MTOR: variants seen among roughly 807,000 people sequenced by gnomAD.
The protein encoded by MTOR is serine/threonine-protein kinase mTOR.
A neutral mutation model predicts 319.8 loss-of-function variants in MTOR; 70 were observed. The ratio of observed to expected loss-of-function variants is 0.22; its 90% CI spans 0.18 to 0.27. The LOEUF (loss-of-function observed/expected upper bound fraction) is 0.27, where lower values mean the gene tolerates loss of function less well. Ranked by LOEUF, MTOR falls within the 10% of genes least tolerant of loss-of-function variation. The pLI is 1.00. For missense variants in MTOR, 1,890 were observed against 3,274.4 expected, an observed-to-expected ratio of 0.58 and a Z score of 10.32; for synonymous variants, 1,183 against 1,211.4, an observed-to-expected ratio of 0.98 and a Z score of 0.49.
chr1:11,124,875 G>GTTTAACC (rs1292564737), intron 46 of MTOR, among the ~76,000 whole-genome samples: 1 of 152,216 alleles, frequency 6.6e-6, no homozygotes, highest in African/African-American at 2.4e-5. Context: ...GACCAGGAAC[G>GTTTAACC]GTTAGGCATG....
intron 18 of MTOR, among the ~76,000 whole-genome samples, chr1:11,229,573 C>T (rs536216840): frequency 6.6e-6 from 1 of 152,324 alleles, no homozygotes; most frequent in Admixed American, 6.5e-5. Flanking sequence ...AATGACATCA[C>T]AGGCATGCCT....
At chr1:11,226,189 A>G (rs2100843038) in intron 19 of MTOR, 1 of 152,288 alleles carries the variant, frequency 6.6e-6, no homozygotes, top group East Asian at 1.9e-4. Context: ...TTCAATATAC[A>G]TTCATAATAA....
In MTOR at chr1:11,199,245, G is replaced by T; in HGVS notation, c.4253+13C>A. On this transcript the variant is annotated intron_variant, in intron 28 of 57. Coordinates refer to ENST00000361445, the MANE Select transcript of MTOR (RefSeq NM_004958.4). The surrounding 1 kb of genome is among the most constrained non-coding windows in gnomAD (Gnocchi z 4.5). ...TGCATGAAGGCAGCAATTAAAAAGG[G>T]TTTATGGCCTACCTGATGAGAGATT... 6.2e-7 allele frequency: 1 copy of T among 1,614,180 alleles called. No individual in the cohort carries two copies. The highest frequency in any genetic ancestry group is 8.5e-7 in the Non-Finnish European group (1 of 1,180,020).
chr1:11,157,246 C>T lies in MTOR; in HGVS notation c.4375G>A (p.Ala1459Thr), dbSNP rs1644347846. The T allele has an allele frequency of 1.2e-6, 2 of 1,614,044 alleles. No individual in the cohort carries two copies. Among genetic ancestry groups the T allele is most frequent in the African/African-American group, 1.3e-5 (1 of 74,950 alleles). The change falls in exon 30 of 58, where the codon GCC (alanine) becomes ACC (threonine). Residue 1459 changes from alanine to threonine, a missense_variant. Ala to Thr is a moderately conservative substitution (Grantham distance 58). This residue lies in a region of MTOR where 276 missense variants were observed against 459.4 expected (regional missense o/e 0.60). Coordinates refer to ENST00000361445, the MANE Select transcript of MTOR (RefSeq NM_004958.4). ...WYEKLHEWEDALVAYDKKMDT... is the reference protein window; with the variant it reads ...WYEKLHEWEDTLVAYDKKMDT... ...ATTTTCTTGTCATAGGCCACAAGGG[C>T]ATCCTCCCACTCGTGCAGTTTCTCA...
chr1:11,220,037 AAAAAAAAAG>A (rs1354688140), intron 19 of MTOR, among the ~76,000 whole-genome samples: 11 of 55,554 alleles, frequency 2.0e-4, no homozygotes, highest in Admixed American at 6.4e-4. Flanking sequence ...ATCTCAAAAA[AAAAAAAAAG>A]AAAAGAAAAG....
At chr1:11,227,663 C>A (rs979271279) in intron 19 of MTOR, among the ~76,000 whole-genome samples, 6 of 146,518 alleles carry the variant, frequency 4.1e-5, no homozygotes, top group African/African-American at 7.6e-5. Context: ...CAAGAAACAG[C>A]AAGAGTGAGA....
At chr1:11,166,256 T>C (rs1017740650) in intron 29 of MTOR, among the ~76,000 whole-genome samples, 8 of 152,122 alleles carry the variant, frequency 5.3e-5, no homozygotes, top group Admixed American at 1.3e-4. Flanking sequence ...GGGATCTAAT[T>C]AAACTAAAGA....
At chr1:11,159,845 G>A (rs1482986497) in intron 29 of MTOR, among the ~76,000 whole-genome samples, 1 of 152,070 alleles carries the variant, frequency 6.6e-6, no homozygotes, top group African/African-American at 2.4e-5. Flanking sequence ...CTAACAAAAG[G>A]TTCCTCATCA....
At chr1:11,209,044 T>C (rs988625910) in intron 25 of MTOR, among the ~76,000 whole-genome samples, 9 of 152,148 alleles carry the variant, frequency 5.9e-5, no homozygotes, top group Admixed American at 3.3e-4. Context: ...ATGTAAAAAA[T>C]GAGAATGTAT....
intron 4 of MTOR, 84 bp from the exon 5 acceptor site, chr1:11,256,276 C>T (rs1650391463): frequency 6.6e-7 from 1 of 1,514,986 alleles, no homozygotes; most frequent in East Asian, 2.4e-5. Flanking sequence ...ATCTTAGAGC[C>T]ATACACACCA....
intron 28 of MTOR, chr1:11,193,519 C>G (rs1645634310): frequency 4.1e-6 from 6 of 1,475,988 alleles, no homozygotes; most frequent in Non-Finnish European, 5.5e-6. Context: ...GGGAAGCCTG[C>G]CCTCTTGCTC....
chr1:11,200,446 T>C (rs1196269817), intron 26 of MTOR, among the ~76,000 whole-genome samples: 1 of 152,184 alleles, frequency 6.6e-6, no homozygotes, highest in Non-Finnish European at 1.5e-5. Flanking sequence ...CCACTTTACA[T>C]TACCACAGTA....
chr1:11,243,370 T>C (rs944769656), intron 8 of MTOR, 70 bp from the exon 9 acceptor site: 2 of 1,416,566 alleles, frequency 1.4e-6, no homozygotes, highest in Admixed American at 4.2e-5. Flanking sequence ...CAGTCAAAGG[T>C]CCTATAAAGC....
At chr1:11,230,623 GAGAT>G (rs1469165911) in intron 18 of MTOR, among the ~76,000 whole-genome samples, 4 of 152,142 alleles carry the variant, frequency 2.6e-5, no homozygotes, top group African/African-American at 9.7e-5. Context: ...GAAAGAATGA[GAGAT>G]AGATAGAGGT....
At chr1:11,216,016 G>C (rs1646458190) in intron 20 of MTOR, 132 bp downstream of exon 20, 1 of 539,516 alleles carries the variant, frequency 1.9e-6, no homozygotes. Context: ...AGTGGGCTTT[G>C]TTCCACTTCC....
chr1:11,189,775 C>G (rs748581131), intron 28 of MTOR: 1 of 1,614,186 alleles, frequency 6.2e-7, no homozygotes, highest in South Asian at 1.1e-5. Context: ...GCTGAGTGAA[C>G]TGAACAAGAA....
At chr1:11,130,489 C>T (rs17848555) in intron 39 of MTOR, 40 bp downstream of exon 39, 3 of 1,594,736 alleles carry the variant, frequency 1.9e-6, no homozygotes, top group Non-Finnish European at 1.7e-6. Flanking sequence ...GAGAGCCTGG[C>T]ACCTTGGTTG....
chr1:11,250,663 T>C (rs1472189133), intron 6 of MTOR, among the ~76,000 whole-genome samples: 3 of 152,122 alleles, frequency 2.0e-5, no homozygotes, highest in African/African-American at 4.8e-5. Flanking sequence ...ATCTATACGC[T>C]GACAATGCCC....
intron 25 of MTOR, among the ~76,000 whole-genome samples, chr1:11,205,630 T>C (rs777071494): frequency 3.2e-4 from 49 of 152,222 alleles, no homozygotes; most frequent in Non-Finnish European, 1.2e-4. Context: ...TACTTGTATT[T>C]TGCAGCTGAG....
Sources: allele counts gnomAD v4.1 joint callset (sites outside exome capture counted in the v4.1 genomes callset), GRCh38; gene constraint gnomAD v4.1.1; regional missense constraint gnomAD v4.1.1; non-coding constraint Gnocchi (gnomAD v3.1); transcripts MANE v1.5; gene names NCBI Gene and HGNC (gene_info 2026-07-23, HGNC 2026-07-21).